The following WWOX variants were observed in gnomAD, a reference collection of about 807,000 sequenced individuals.
WWOX encodes WW domain containing oxidoreductase.
In WWOX, 69 loss-of-function variants were observed where a neutral mutation model predicts 46.2. The ratio of observed to expected loss-of-function variants is 1.49; its 90% CI spans 1.23 to 1.82. WWOX has a LOEUF of 1.82. Ranked by LOEUF, WWOX falls within the 40% of genes most tolerant of loss-of-function variation. The pLI is 0.00. For missense variants in WWOX, 919 were observed against 542.6 expected, an observed-to-expected ratio of 1.69 and a Z score of -6.89; for synonymous variants, 359 against 202.6, an observed-to-expected ratio of 1.77 and a Z score of -6.56.
intron 8 of WWOX, among the ~76,000 whole-genome samples, chr16:78,868,063 C>T (rs775496755): frequency 6.6e-6 from 1 of 152,150 alleles, no homozygotes; most frequent in East Asian, 1.9e-4. Context: ...AATGCTTATA[C>T]AAAGTCTTGT....
chr16:78,379,723 C>T (rs117816145), intron 5 of WWOX, among the ~76,000 whole-genome samples: 6 of 152,310 alleles, frequency 3.9e-5, no homozygotes, highest in Admixed American at 3.3e-4. Context: ...AGCGAACTCA[C>T]TGATACCCTC....
At chr16:78,210,518 C>G (rs2036527687) in intron 5 of WWOX, among the ~76,000 whole-genome samples, 1 of 152,102 alleles carries the variant, frequency 6.6e-6, no homozygotes, top group Non-Finnish European at 1.5e-5. Flanking sequence ...CACTCTCTCT[C>G]TCTTTCTCTG....
At chr16:78,940,988 C>T (rs1021782721) in intron 8 of WWOX, among the ~76,000 whole-genome samples, 1 of 151,996 alleles carries the variant, frequency 6.6e-6, no homozygotes, top group African/African-American at 2.4e-5. Flanking sequence ...CTTCTGGAAC[C>T]TGCATGGTGT....
At chr16:78,941,778 C>T (rs567431914) in intron 8 of WWOX, among the ~76,000 whole-genome samples, 1 of 152,144 alleles carries the variant, frequency 6.6e-6, no homozygotes, top group Non-Finnish European at 1.5e-5. Flanking sequence ...AAAAAGGTAT[C>T]ATAATCAAAT....
At chr16:78,410,152 C>T (rs893922769) in intron 6 of WWOX, among the ~76,000 whole-genome samples, 2 of 152,204 alleles carry the variant, frequency 1.3e-5, no homozygotes, top group African/African-American at 2.4e-5. Context: ...GCTGCCTACT[C>T]CCCTTTTGCC....
chr16:78,898,696 A>C (rs1160108254), intron 8 of WWOX: 4 of 152,226 alleles, frequency 2.6e-5, no homozygotes, highest in Non-Finnish European at 5.9e-5. Context: ...CTCTTGATCA[A>C]TTTGAGGAGG....
intron 4 of WWOX, among the ~76,000 whole-genome samples, chr16:78,128,418 C>T (rs1259473208): frequency 6.6e-6 from 1 of 152,160 alleles, no homozygotes; most frequent in African/African-American, 2.4e-5. Context: ...CCTGCAGAGG[C>T]AGAAACTTCT....
chr16:78,680,567 C>A (rs1024498954), intron 8 of WWOX, among the ~76,000 whole-genome samples: 1 of 152,124 alleles, frequency 6.6e-6, no homozygotes, highest in Non-Finnish European at 1.5e-5. Context: ...GCTGGGCTAT[C>A]CAATACTTGA....
intron 8 of WWOX, among the ~76,000 whole-genome samples, chr16:78,728,067 T>TCC (rs1172950283): frequency 5.6e-4 from 79 of 140,300 alleles, no homozygotes; most frequent in Non-Finnish European, 1.0e-3. Flanking sequence ...TTTTTTTTTT[T>TCC]TTTTTTTTTT....
chr16:78,368,829 C>G (rs574211630), intron 5 of WWOX, among the ~76,000 whole-genome samples: 1 of 152,158 alleles, frequency 6.6e-6, no homozygotes, highest in African/African-American at 2.4e-5. Flanking sequence ...GAGCCAGATT[C>G]GAATGTGGCC....
chr16:78,640,101 C>G (rs1271588476), intron 8 of WWOX, among the ~76,000 whole-genome samples: 1 of 151,798 alleles, frequency 6.6e-6, no homozygotes. Flanking sequence ...AAACACAAAG[C>G]ATTGAGTATT....
At chr16:78,370,965 A>G in intron 5 of WWOX, among the ~76,000 whole-genome samples, 1 of 134,650 alleles carries the variant, frequency 7.4e-6, no homozygotes. Context: ...TTGCTCTGAG[A>G]CTGTGTTGTG....
At chr16:78,206,519 C>T (rs972831520) in intron 5 of WWOX, among the ~76,000 whole-genome samples, 10 of 152,180 alleles carry the variant, frequency 6.6e-5, no homozygotes, top group African/African-American at 1.2e-4. Context: ...TGATGCTGCT[C>T]TACTACCTGG....
At chr16:79,198,031 C>G (rs192548740) in intron 8 of WWOX, among the ~76,000 whole-genome samples, 2 of 152,048 alleles carry the variant, frequency 1.3e-5, no homozygotes, top group African/African-American at 4.8e-5. Flanking sequence ...ACAAGAGCAG[C>G]TTTAGAAAAT....
At chr16:78,295,081 G>T (rs2079921821) in intron 5 of WWOX, among the ~76,000 whole-genome samples, 1 of 152,146 alleles carries the variant, frequency 6.6e-6, no homozygotes, top group African/African-American at 2.4e-5. Flanking sequence ...GCCGCTGTAG[G>T]AGGATGGTGG....
At chr16:78,531,406 T>A (rs2043617557) in intron 8 of WWOX, among the ~76,000 whole-genome samples, 1 of 152,224 alleles carries the variant, frequency 6.6e-6, no homozygotes, top group Non-Finnish European at 1.5e-5. Flanking sequence ...CCTGTTTGGT[T>A]GAAACAATTG....
chr16:79,123,974 C>T (rs987757130), intron 8 of WWOX, among the ~76,000 whole-genome samples: 2 of 152,198 alleles, frequency 1.3e-5, no homozygotes, highest in African/African-American at 4.8e-5. Context: ...TAAATTACTA[C>T]AAGAGGCACT....
chr16:78,554,432 A>G (rs534367796), intron 8 of WWOX, among the ~76,000 whole-genome samples: 22 of 152,248 alleles, frequency 1.4e-4, no homozygotes, highest in Non-Finnish European at 3.1e-4. Context: ...AGCTCCATAC[A>G]GTAAAACCTA....
Position 78,638,574 on chromosome 16 carries a change from A to T in WWOX, c.1056+205822A>T, listed in dbSNP as rs116800411. On this transcript the variant is annotated intron_variant, in intron 8 of 8. Coordinates refer to ENST00000566780, the MANE Select transcript of WWOX (RefSeq NM_016373.4). ...ACCCTGTTAATTGCAATTGACTCTC[A>T]TAGAATGTGGATAGCAGTGCCACTT... is the stretch of plus-strand genomic sequence containing the variant. 8.3e-3 allele frequency among the ~76,000 whole-genome samples: 1,269 copies of T among 152,216 alleles called. 17 individuals are homozygous for T. The highest frequency in any genetic ancestry group is 0.029 in the African/African-American group (1,213 of 41,518).
Sources: gnomAD v4.1 joint callset for allele counts (sites outside exome capture counted in the v4.1 genomes callset) on GRCh38, gnomAD v4.1.1 for gene constraint, MANE v1.5 for transcripts, NCBI Gene and HGNC (gene_info 2026-07-23, HGNC 2026-07-21) for gene names.